The following ACACA variants were observed in gnomAD, a reference collection of about 807,000 sequenced individuals.
ACACA encodes the protein acetyl-CoA carboxylase 1.
Under a neutral mutation model 296.1 loss-of-function variants are expected in ACACA, and 103 were observed. That is an observed-to-expected ratio of 0.35 (90% CI 0.30 to 0.41). The LOEUF is 0.41. Ranked by LOEUF, ACACA falls within the 10% of genes least tolerant of loss-of-function variation. The pLI is 1.00. For synonymous variants in ACACA, 953 were observed against 1,038.6 expected, an observed-to-expected ratio of 0.92 and a Z score of 1.58; for missense variants, 1,554 against 2,989.7, an observed-to-expected ratio of 0.52 and a Z score of 11.20.
At chr17:37,366,112 C>T (rs2049593271) in intron 1 of ACACA, among the ~76,000 whole-genome samples, 1 of 152,160 alleles carries the variant, frequency 6.6e-6, no homozygotes, top group African/African-American at 2.4e-5. Context: ...GCTTTATAGC[C>T]TAGCCATCCC....
At chr17:37,287,121 T>C (rs958534760) in intron 3 of ACACA, among the ~76,000 whole-genome samples, 2 of 152,276 alleles carry the variant, frequency 1.3e-5, no homozygotes, top group East Asian at 3.9e-4. Context: ...TAAGCTCCTT[T>C]GTACACCGTT....
chr17:37,103,338 C>G (rs1474956346), intron 52 of ACACA, among the ~76,000 whole-genome samples: 1 of 152,174 alleles, frequency 6.6e-6, no homozygotes, highest in African/African-American at 2.4e-5. Flanking sequence ...TATCATTGAT[C>G]GTTTGTCAGG....
At chr17:37,328,925 G>A in intron 3 of ACACA, 5 of 398,560 alleles carry the variant, frequency 1.3e-5, no homozygotes, top group Admixed American at 8.8e-5. Context: ...AAGGCTCCCC[G>A]AGGTGATTCT....
chr17:37,189,103 TC>T (rs1286630183), intron 38 of ACACA, among the ~76,000 whole-genome samples: 1 of 152,214 alleles, frequency 6.6e-6, no homozygotes, highest in Non-Finnish European at 1.5e-5. Context: ...GGGCAGATGT[TC>T]CCACATTTCT....
chr17:37,350,410 C>G (rs1597677012), intron 1 of ACACA, among the ~76,000 whole-genome samples: 1 of 151,454 alleles, frequency 6.6e-6, no homozygotes. Context: ...GTCCCAGCTA[C>G]TTGGGACCCT....
chr17:37,227,804 G>A lies in ACACA; in HGVS notation c.3247-1352C>T, dbSNP rs549051068. 9.4e-5 allele frequency among the ~76,000 whole-genome samples: 14 copies of A among 149,468 alleles called. No homozygotes were observed. In the East Asian group the frequency reaches 2.7e-3, roughly 29 times the overall value. ...GAACCCGGGAGGTGGACCTTGCAGT[G>A]AGCCGAGATCGTGCCACTGCACTCC... On this transcript the variant is annotated intron_variant, in intron 25 of 55. Coordinates refer to ENST00000616317, the MANE Select transcript of ACACA (RefSeq NM_198834.3).
chr17:37,386,830 T>TC, intron 1 of ACACA: 1 of 152,556 alleles, frequency 6.6e-6, no homozygotes, highest in Admixed American at 6.5e-5. Flanking sequence ...TTTTTCTTTT[T>TC]TTTTTTTTGA....
At chr17:37,147,714 TA>T (rs2075872372) in intron 45 of ACACA, among the ~76,000 whole-genome samples, 1 of 152,178 alleles carries the variant, frequency 6.6e-6, no homozygotes, top group South Asian at 2.1e-4. Context: ...TCCCTTCAGC[TA>T]AAAACAAATA....
intron 1 of ACACA, among the ~76,000 whole-genome samples, chr17:37,353,298 T>C (rs2048987352): frequency 6.6e-6 from 1 of 152,128 alleles, no homozygotes; most frequent in African/African-American, 2.4e-5. Flanking sequence ...TCTTGGCATG[T>C]GTGTAAAATA....
intron 24 of ACACA, among the ~76,000 whole-genome samples, chr17:37,236,307 G>A (rs2080108513): frequency 6.6e-6 from 1 of 152,078 alleles, no homozygotes. Flanking sequence ...AGACCAAAAG[G>A]GAAGCTGTTT....
chr17:37,200,029 A>G lies in ACACA; in HGVS notation c.4158+110T>C, dbSNP rs977946300. On this transcript the variant is annotated intron_variant, in intron 35 of 55. Coordinates refer to ENST00000616317, the MANE Select transcript of ACACA (RefSeq NM_198834.3). ...TATTTATTATAATAATTTCTAAAAG[A>G]AGAAGGATCAAATATCAGTCCAGCC... The G allele has an allele frequency of 6.3e-6, 5 of 792,266 alleles. No homozygotes were observed. The Middle Eastern group carries it at 9.7e-4, about 154-fold the overall frequency. The allele number at this position is 792,266 out of a possible 1,614,324, so 49.1% of individuals were successfully genotyped here.
At position 37,224,969 on chromosome 17, in the gene ACACA, TATA is replaced by T. The variant is rs747002488; in HGVS notation, c.3474+20_3474+22del. 2 of 412,078 alleles carry T rather than the reference TATA, an allele frequency of 4.9e-6. No individual in the cohort carries two copies. The highest frequency in any genetic ancestry group is 2.2e-5 in the African/African-American group (1 of 45,542). The allele number at this position is 412,078 out of a possible 1,614,324, so 25.5% of individuals were successfully genotyped here. A position where few individuals can be genotyped will look rare whatever the true frequency, so the allele number is the denominator to read the frequency against. On this transcript the variant is annotated intron_variant, in intron 27 of 55. Coordinates refer to ENST00000616317, the MANE Select transcript of ACACA (RefSeq NM_198834.3). ...AGTCCAGATAGGCAGGAAAGGGTTA[TATA>T]TATATATATATATATATACCTGCAG...
chr17:37,241,037 A>G (rs750198167), intron 23 of ACACA, among the ~76,000 whole-genome samples: 3 of 152,054 alleles, frequency 2.0e-5, no homozygotes, highest in Non-Finnish European at 2.9e-5. Flanking sequence ...TACAAAAAAT[A>G]CAAAAAAATT....
chr17:37,134,365 G>GT (rs2075244806), intron 45 of ACACA, among the ~76,000 whole-genome samples: 1 of 152,192 alleles, frequency 6.6e-6, no homozygotes, highest in Admixed American at 6.5e-5. Context: ...GCATTGTGAT[G>GT]TTTTGTGCAA....
Position 37,113,379 on chromosome 17 carries a change from G to T in ACACA, c.6275-114C>A. 1 of 1,080,050 alleles carries T rather than the reference G, an allele frequency of 9.3e-7. No homozygotes were observed. Among genetic ancestry groups the T allele is most frequent in the Non-Finnish European group, 1.4e-6 (1 of 719,376 alleles). The allele number at this position is 1,080,050 out of a possible 1,614,324, so 66.9% of individuals were successfully genotyped here. A position where few individuals can be genotyped will look rare whatever the true frequency, so the allele number is the denominator to read the frequency against. On this transcript the variant is annotated intron_variant, in intron 50 of 55. Coordinates refer to ENST00000616317, the MANE Select transcript of ACACA (RefSeq NM_198834.3). The surrounding 1 kb of genome is among the most constrained non-coding windows in gnomAD (Gnocchi z 4.0). Reference sequence around the variant, plus strand: ...AGAGCCTCCTTATACTATGCCTCCTGTTTGGCCACCCTATAGACTAAAGGG... The same window carrying T: ...AGAGCCTCCTTATACTATGCCTCCTTTTTGGCCACCCTATAGACTAAAGGG...
intron 2 of ACACA, among the ~76,000 whole-genome samples, chr17:37,336,946 T>C (rs945995940): frequency 6.6e-6 from 1 of 152,188 alleles, no homozygotes; most frequent in African/African-American, 2.4e-5. Flanking sequence ...TTTACTCACT[T>C]ACAGAGACAA....
At chr17:37,136,768 C>T (rs7215793) in intron 45 of ACACA, among the ~76,000 whole-genome samples, 26,268 of 151,952 alleles carry the variant, frequency 0.17, 3,014 homozygotes, top group East Asian at 0.46. Flanking sequence ...CGGTGAAACC[C>T]CATCTCTACT....
rs76648914 is a variant in ACACA, at chr17:37,130,271, G to A, written c.5680-53C>T. The stretch of plus-strand genomic sequence containing the variant: ...TTTGTCTCTATAGAAATAAAGGCAT[G>A]GTCGATTTCACAAGTCGCACTAAAA... On this transcript the variant is annotated intron_variant, in intron 45 of 55. Coordinates refer to ENST00000616317, the MANE Select transcript of ACACA (RefSeq NM_198834.3). 5,220 of 1,606,084 alleles carry A rather than the reference G, an allele frequency of 3.3e-3. 130 individuals carry two copies. In the African/African-American group the frequency reaches 0.056, roughly 17 times the overall value.
At chr17:37,121,304 G>A (rs757471893) in intron 50 of ACACA, 51 bp downstream of exon 50, 54 of 1,612,880 alleles carry the variant, frequency 3.3e-5, no homozygotes, top group Non-Finnish European at 4.3e-5. Flanking sequence ...CTCTGCCGCA[G>A]AGTGCCCAGT....
Sources: allele counts gnomAD v4.1 joint callset (sites outside exome capture counted in the v4.1 genomes callset), GRCh38; gene constraint gnomAD v4.1.1; non-coding constraint Gnocchi (gnomAD v3.1); transcripts MANE v1.5; gene names NCBI Gene and HGNC (gene_info 2026-07-23, HGNC 2026-07-21).